OPTN: variants seen among roughly 807,000 people sequenced by gnomAD.
OPTN encodes optineurin, also known as E3-14.7K-interacting protein.
A neutral mutation model predicts 70.4 loss-of-function variants in OPTN; 54 were observed. That is an observed-to-expected ratio of 0.77 (90% CI 0.62 to 0.96). The LOEUF (loss-of-function observed/expected upper bound fraction) is 0.96. Among genes scored for constraint, OPTN ranks in the 40% least tolerant of loss-of-function variants. The pLI is 0.00. For missense variants in OPTN, 624 were observed against 673.2 expected, an observed-to-expected ratio of 0.93 and a Z score of 0.81; for synonymous variants, 256 against 248.5, an observed-to-expected ratio of 1.03 and a Z score of -0.28.
chr10:13,104,874 G>A, intron 1 of OPTN: 1 of 309,044 alleles, frequency 3.2e-6, no homozygotes, highest in South Asian at 4.2e-5. Flanking sequence ...GGGTGACCAG[G>A]GGCCCGACCG....
intron 6 of OPTN, among the ~76,000 whole-genome samples, chr10:13,118,150 T>C (rs1014821973): frequency 1.3e-5 from 2 of 152,372 alleles, no homozygotes; most frequent in East Asian, 3.9e-4. Context: ...TAGTTTGAGA[T>C]TGATTTCCAG....
In OPTN at chr10:13,110,395, T is replaced by A; in HGVS notation, c.288T>A (p.Arg96=). 6.2e-7 allele frequency: 1 copy of A among 1,614,044 alleles called. No individual in the cohort carries two copies. Among genetic ancestry groups the A allele is most frequent in the Non-Finnish European group, 8.5e-7 (1 of 1,179,990 alleles). Residue 96 remains arginine, a synonymous_variant, in exon 4 of 15, where the codon CGT becomes CGA. Coordinates refer to ENST00000378747, the MANE Select transcript of OPTN (RefSeq NM_001008212.2). ...FEIQSKEAKE[R]LMALSHENEK... ...TACAGAGCAAAGAAGCAAAAGAGCG[T>A]CTAATGGCCTTGAGTCATGAGAATG...
At chr10:13,115,403 T>G (rs1213854380) in intron 5 of OPTN, among the ~76,000 whole-genome samples, 5 of 91,226 alleles carry the variant, frequency 5.5e-5, no homozygotes, top group Admixed American at 2.9e-4. Flanking sequence ...TAGATATATC[T>G]GTATTTATAT....
At chr10:13,105,700 C>T (rs1039770350) in intron 1 of OPTN, among the ~76,000 whole-genome samples, 6 of 152,062 alleles carry the variant, frequency 3.9e-5, no homozygotes, top group African/African-American at 1.5e-4. Flanking sequence ...CCTGAGGTCA[C>T]GAGTTCAAGA....
At chr10:13,126,605 T>A (rs1211486703) in intron 11 of OPTN, among the ~76,000 whole-genome samples, 1 of 151,658 alleles carries the variant, frequency 6.6e-6, no homozygotes, top group East Asian at 1.9e-4. Context: ...TAAGGATAGG[T>A]TTGTAGGAGA....
chr10:13,120,505 C>T (rs560616280), intron 7 of OPTN, among the ~76,000 whole-genome samples: 143 of 150,390 alleles, frequency 9.5e-4, no homozygotes, highest in Middle Eastern at 3.4e-3. Flanking sequence ...TTTGGCCTGG[C>T]GCGGTGGCCA....
intron 3 of OPTN, chr10:13,109,512 AATG>A (rs1259192868): frequency 3.5e-5 from 19 of 546,062 alleles, no homozygotes; most frequent in Non-Finnish European, 5.6e-5. Flanking sequence ...GAAGTAGCAT[AATG>A]ATATTTAGCC....
chr10:13,102,713 TG>T (rs1189967824), intron 1 of OPTN, among the ~76,000 whole-genome samples: 1 of 151,942 alleles, frequency 6.6e-6, no homozygotes, highest in Non-Finnish European at 1.5e-5. Context: ...GAGGCCGAGG[TG>T]GGTGGATCAC....
intron 1 of OPTN, 81 bp downstream of exon 1, chr10:13,100,383 G>C (rs1202568122): frequency 6.6e-6 from 1 of 152,242 alleles, no homozygotes; most frequent in East Asian, 1.9e-4. Flanking sequence ...GCCTGAAAAC[G>C]GTACCCGCCG....
Position 13,112,529 on chromosome 10 carries a change from G to C in OPTN, c.446G>C (p.Arg149Thr). ...GACCAGCTCAGGACCCAGGTGGTGA[G>C]GCTACAAGCAGAGAAGGCAGACCTG... ...EKDQLRTQVV[R>T]LQAEKADLLG... is the part of the protein sequence containing the mutation. Residue 149 changes from arginine to threonine, a missense_variant, in exon 5 of 15, where the codon AGG (arginine) becomes ACG (threonine). Arg to Thr is a moderately conservative substitution (Grantham distance 71, BLOSUM62 -1). Transcript: ENST00000378747. 1 of 1,614,110 alleles carries C rather than the reference G, an allele frequency of 6.2e-7. No homozygotes were observed. Among genetic ancestry groups the C allele is most frequent in the African/African-American group, 1.3e-5 (1 of 75,012 alleles).
intron 8 of OPTN, 101 bp downstream of exon 8, chr10:13,122,588 T>C: frequency 5.0e-6 from 4 of 807,242 alleles, no homozygotes; most frequent in Admixed American, 1.9e-5. Flanking sequence ...TTTAGAAATA[T>C]AGAAATCATG....
intron 11 of OPTN, 116 bp from the exon 12 acceptor site, chr10:13,127,629 G>A (rs867302372): frequency 7.0e-6 from 8 of 1,141,090 alleles, no homozygotes; most frequent in South Asian, 6.8e-5. Flanking sequence ...TTCTAGGCAT[G>A]AGCCACCACA....
chr10:13,131,980 T>A, intron 12 of OPTN, 87 bp from the exon 13 acceptor site: 1 of 1,359,594 alleles, frequency 7.4e-7, no homozygotes. Context: ...TATTGAAGGA[T>A]ACAGCACTAC....
At chr10:13,133,847 C>T (rs1025236570) in intron 14 of OPTN, among the ~76,000 whole-genome samples, 2 of 152,126 alleles carry the variant, frequency 1.3e-5, no homozygotes, top group African/African-American at 2.4e-5. Flanking sequence ...TTCGCTGTGT[C>T]GTCCAGGCTG....
At chr10:13,108,708 G>C (rs1245403549) in intron 2 of OPTN, among the ~76,000 whole-genome samples, 1 of 151,906 alleles carries the variant, frequency 6.6e-6, no homozygotes. Context: ...CACCAAGCCC[G>C]GCTAATTTTT....
At chr10:13,118,742 A>G in intron 6 of OPTN, 146 bp from the exon 7 acceptor site, 1 of 749,480 alleles carries the variant, frequency 1.3e-6, no homozygotes, top group Non-Finnish European at 2.3e-6. Flanking sequence ...TCCCAGGACC[A>G]GCTGTGCTTG....
At chr10:13,112,016 C>T (rs541499529) in intron 4 of OPTN, among the ~76,000 whole-genome samples, 1 of 151,172 alleles carries the variant, frequency 6.6e-6, no homozygotes, top group South Asian at 2.1e-4. Context: ...CCCAGCTAAT[C>T]TTTTTGTATT....
chr10:13,130,153 A>G (rs1350286865), intron 12 of OPTN, among the ~76,000 whole-genome samples: 3 of 152,118 alleles, frequency 2.0e-5, no homozygotes, highest in Non-Finnish European at 4.4e-5. Context: ...ACGGCCGGGC[A>G]TGGTGGCTCA....
At chr10:13,114,761 C>T (rs10796024) in intron 5 of OPTN, among the ~76,000 whole-genome samples, 70,160 of 87,124 alleles carry the variant, frequency 0.81, 27,678 homozygotes, top group Middle Eastern at 0.94. Context: ...TATATAATTG[C>T]ATATATAATT....
Sources: gnomAD v4.1 joint callset for allele counts (sites outside exome capture counted in the v4.1 genomes callset) on GRCh38, gnomAD v4.1.1 for gene constraint, MANE v1.5 for transcripts, NCBI Gene and HGNC (gene_info 2026-07-23, HGNC 2026-07-21) for gene names.